PALM2AKAP2: variants seen among roughly 807,000 people sequenced by gnomAD.
PALM2AKAP2 encodes the protein PALM2-AKAP2 fusion protein.
In PALM2AKAP2, 37 loss-of-function variants were observed where a neutral mutation model predicts 71.5. The observed-to-expected ratio is 0.52, with a 90% CI of 0.40 to 0.68. The LOEUF is 0.68. Among genes scored for constraint, PALM2AKAP2 ranks in the 30% least tolerant of loss-of-function variants. The probability of loss-of-function intolerance (pLI) is 0.00; values close to 1 mark genes in which losing one functional copy is unlikely to be tolerated. For missense variants in PALM2AKAP2, 1,224 were observed against 1,191.8 expected, an observed-to-expected ratio of 1.03 and a Z score of -0.40; for synonymous variants, 468 against 478.8, an observed-to-expected ratio of 0.98 and a Z score of 0.29.
intron 6 of PALM2AKAP2, among the ~76,000 whole-genome samples, chr9:109,971,283 C>CCT (rs1832061568): frequency 2.2e-5 from 1 of 45,640 alleles, no homozygotes; most frequent in Non-Finnish European, 3.6e-5. Context: ...CTCTTAGTCC[C>CCT]TTTTTTTTTT....
chr9:109,939,146 T>C (rs2132029591), intron 6 of PALM2AKAP2, among the ~76,000 whole-genome samples: 1 of 152,330 alleles, frequency 6.6e-6, no homozygotes, highest in African/African-American at 2.4e-5. Context: ...AAGCATCATT[T>C]ACCACCACAA....
chr9:109,717,321 C>A (rs1828339820), intron 1 of PALM2AKAP2, among the ~76,000 whole-genome samples: 1 of 152,200 alleles, frequency 6.6e-6, no homozygotes, highest in Non-Finnish European at 1.5e-5. Context: ...CATGGCCTAT[C>A]TGCTTTGGTC....
intron 3 of PALM2AKAP2, among the ~76,000 whole-genome samples, chr9:110,158,488 T>G (rs1241988290): frequency 6.6e-6 from 1 of 152,160 alleles, no homozygotes; most frequent in Non-Finnish European, 1.5e-5. Flanking sequence ...TACAGAAGGG[T>G]AGAGGCAGTT....
At chr9:109,670,652 G>A (rs890431317) in intron 1 of PALM2AKAP2, among the ~76,000 whole-genome samples, 6 of 152,156 alleles carry the variant, frequency 3.9e-5, no homozygotes, top group Non-Finnish European at 8.8e-5. Context: ...GGACTGCTGG[G>A]TCAAATGGTG....
chr9:109,972,624 C>T (rs892226908), intron 6 of PALM2AKAP2, among the ~76,000 whole-genome samples: 1 of 152,162 alleles, frequency 6.6e-6, no homozygotes, highest in African/African-American at 2.4e-5. Context: ...TGGGACCTCC[C>T]CTAACCCCTG....
intron 6 of PALM2AKAP2, among the ~76,000 whole-genome samples, chr9:110,007,609 G>A (rs1212188054): frequency 2.0e-5 from 3 of 152,074 alleles, no homozygotes; most frequent in African/African-American, 4.8e-5. Context: ...TTCAAGGGGA[G>A]TTTTGACTAT....
intron 2 of PALM2AKAP2, among the ~76,000 whole-genome samples, chr9:109,878,121 C>G (rs951407170): frequency 5.3e-5 from 8 of 152,310 alleles, no homozygotes; most frequent in African/African-American, 1.9e-4. Context: ...TTCCCACTTT[C>G]CAATGGAAAA....
intron 1 of PALM2AKAP2, among the ~76,000 whole-genome samples, chr9:110,078,047 T>C (rs1268499274): frequency 6.6e-6 from 1 of 151,712 alleles, no homozygotes; most frequent in Non-Finnish European, 1.5e-5. Flanking sequence ...GAAAATACTG[T>C]AGGCCTTGCA....
chr9:109,996,224 A>G (rs1281332612), intron 6 of PALM2AKAP2, among the ~76,000 whole-genome samples: 1 of 152,226 alleles, frequency 6.6e-6, no homozygotes, highest in Non-Finnish European at 1.5e-5. Flanking sequence ...TTTCCAGCCT[A>G]GTAAAATAAG....
chr9:109,651,792 T>A (rs1827228559), intron 1 of PALM2AKAP2, among the ~76,000 whole-genome samples: 1 of 152,204 alleles, frequency 6.6e-6, no homozygotes, highest in Non-Finnish European at 1.5e-5. Flanking sequence ...ATATAACTTA[T>A]AATAAAAATT....
chr9:109,858,014 G>A (rs559480497), intron 1 of PALM2AKAP2, among the ~76,000 whole-genome samples: 3 of 152,322 alleles, frequency 2.0e-5, no homozygotes, highest in South Asian at 2.1e-4. Context: ...CAAAAACTTC[G>A]TGCTAGGTAG....
At chr9:109,730,956 T>C (rs1266487441) in intron 1 of PALM2AKAP2, among the ~76,000 whole-genome samples, 1 of 152,112 alleles carries the variant, frequency 6.6e-6, no homozygotes, top group Non-Finnish European at 1.5e-5. Context: ...ACAAACCATC[T>C]GGTGCATATT....
intron 1 of PALM2AKAP2, among the ~76,000 whole-genome samples, chr9:110,099,913 G>A (rs972902611): frequency 1.3e-5 from 2 of 151,520 alleles, no homozygotes; most frequent in Non-Finnish European, 2.9e-5. Flanking sequence ...GTAGCATCTG[G>A]GGCATATAAT....
At chr9:109,926,500 A>G (rs1830958999) in intron 5 of PALM2AKAP2, among the ~76,000 whole-genome samples, 1 of 152,120 alleles carries the variant, frequency 6.6e-6, no homozygotes, top group Admixed American at 6.5e-5. Context: ...TGGGGCACGG[A>G]TTGAGGAAGT....
intron 5 of PALM2AKAP2, among the ~76,000 whole-genome samples, chr9:109,930,006 T>C (rs142024561): frequency 2.0e-4 from 31 of 152,008 alleles, no homozygotes; most frequent in African/African-American, 7.5e-4. Flanking sequence ...CCCTGCAGGC[T>C]GCTTTCCAGC....
chr9:110,145,066 C>A (rs1836130131), intron 2 of PALM2AKAP2, among the ~76,000 whole-genome samples: 1 of 152,152 alleles, frequency 6.6e-6, no homozygotes, highest in Non-Finnish European at 1.5e-5. Context: ...TTCCCTCTAC[C>A]CTTTCCCAAT....
intron 1 of PALM2AKAP2, among the ~76,000 whole-genome samples, chr9:109,696,028 C>T (rs943209623): frequency 1.3e-5 from 2 of 151,974 alleles, no homozygotes; most frequent in Non-Finnish European, 2.9e-5. Flanking sequence ...GGAATGTTTC[C>T]AATACAAAGA....
At chr9:109,819,670 C>CCCAGGGGTTTG (rs1827941389) in intron 1 of PALM2AKAP2, among the ~76,000 whole-genome samples, 1 of 151,616 alleles carries the variant, frequency 6.6e-6, no homozygotes, top group Non-Finnish European at 1.5e-5. Flanking sequence ...AACACACACA[C>CCCAGGGGTTTG]ACGTAAATAA....
Position 109,957,881 on chromosome 9 carries a change from G to A in PALM2AKAP2, c.496+25853G>A, listed in dbSNP as rs192899915. Among the ~76,000 whole-genome samples the A allele has an allele frequency of 3.3e-5, 5 of 152,318 alleles. No individual in the cohort carries two copies. The East Asian group carries it at 9.6e-4, about 29-fold the overall frequency. On this transcript the variant is annotated intron_variant, in intron 6 of 9. Transcript: ENST00000302798. ...GAAACAGCAGCACACGGGTGCCCAG[G>A]GCTGGCCGCAGTGAGTCCGGGCTAT... is the stretch of plus-strand genomic sequence containing the variant.
Sources: allele counts gnomAD v4.1 joint callset (sites outside exome capture counted in the v4.1 genomes callset), GRCh38; gene constraint gnomAD v4.1.1; transcripts MANE v1.5; gene names NCBI Gene and HGNC (gene_info 2026-07-23, HGNC 2026-07-21).